The following PPARGC1A variants were observed in gnomAD, a reference collection of about 807,000 sequenced individuals.
The protein encoded by PPARGC1A is peroxisome proliferator-activated receptor gamma coactivator 1-alpha.
A neutral mutation model predicts 88.7 loss-of-function variants in PPARGC1A; 25 were observed. That is an observed-to-expected ratio of 0.28 (90% CI 0.21 to 0.39). The LOEUF (loss-of-function observed/expected upper bound fraction) is 0.39. Among genes scored for constraint, PPARGC1A ranks in the 10% least tolerant of loss-of-function variants. The pLI, the probability that PPARGC1A is intolerant of heterozygous loss-of-function variation, is 1.00. For missense variants in PPARGC1A, 880 were observed against 968.7 expected (o/e 0.91, Z 1.22); for synonymous variants, 363 against 355.6 (o/e 1.02, Z -0.24).
At chr4:23,803,218 A>G (rs1719124602) in intron 10 of PPARGC1A, among the ~76,000 whole-genome samples, 1 of 152,200 alleles carries the variant, frequency 6.6e-6, no homozygotes, top group South Asian at 2.1e-4. Context: ...GTACTAAAAA[A>G]AAATGTAAGA....
the PPARGC1A span, among the ~76,000 whole-genome samples, chr4:24,063,422 T>A: frequency 6.6e-6 from 1 of 152,186 alleles, no homozygotes. Flanking sequence ...GGGCTCCACA[T>A]ACTTTTCTGG....
chr4:23,931,731 C>T, the PPARGC1A span, among the ~76,000 whole-genome samples: 1 of 152,164 alleles, frequency 6.6e-6, no homozygotes, highest in Admixed American at 6.5e-5. Context: ...AGTTACAAGA[C>T]TGCCATGGGG....
At chr4:24,247,573 GC>G in the PPARGC1A span, among the ~76,000 whole-genome samples, 1 of 152,172 alleles carries the variant, frequency 6.6e-6, no homozygotes, top group African/African-American at 2.4e-5. Context: ...AAAGAGATCA[GC>G]TATACACTAA....
At chr4:24,265,136 T>TC in the PPARGC1A span, among the ~76,000 whole-genome samples, 1 of 152,154 alleles carries the variant, frequency 6.6e-6, no homozygotes, top group Non-Finnish European at 1.5e-5. Flanking sequence ...AAATGTGGGT[T>TC]TGTTAAAAGA....
the PPARGC1A span, among the ~76,000 whole-genome samples, chr4:24,269,686 C>CA: frequency 0.23 from 34,546 of 150,920 alleles, 4,248 homozygotes; most frequent in Middle Eastern, 0.4. Flanking sequence ...CATCATCACA[C>CA]AAAAAAACTC....
chr4:23,998,182 T>G, the PPARGC1A span, among the ~76,000 whole-genome samples: 7 of 152,298 alleles, frequency 4.6e-5, no homozygotes, highest in East Asian at 1.4e-3. Flanking sequence ...TCAAAGGGAA[T>G]TTGCAAAGCA....
chr4:24,321,311 G>A, the PPARGC1A span, among the ~76,000 whole-genome samples: 2 of 152,154 alleles, frequency 1.3e-5, no homozygotes, highest in South Asian at 4.2e-4. Flanking sequence ...AAATGCGTAT[G>A]ACGCAACTAA....
At chr4:24,360,390 C>T in the PPARGC1A span, among the ~76,000 whole-genome samples, 1 of 152,180 alleles carries the variant, frequency 6.6e-6, no homozygotes, top group Non-Finnish European at 1.5e-5. Context: ...CTGCACCAGC[C>T]ACAAGCCCCT....
At chr4:24,125,774 C>G in the PPARGC1A span, among the ~76,000 whole-genome samples, 2 of 152,064 alleles carry the variant, frequency 1.3e-5, no homozygotes, top group Non-Finnish European at 2.9e-5. Flanking sequence ...TGACTTATCT[C>G]TACAGTAGGA....
At chr4:24,083,366 C>T in the PPARGC1A span, among the ~76,000 whole-genome samples, 3 of 152,172 alleles carry the variant, frequency 2.0e-5, no homozygotes, top group Non-Finnish European at 4.4e-5. Context: ...AGTCCCCAGA[C>T]AATCTGATGC....
At chr4:24,322,002 A>G in the PPARGC1A span, among the ~76,000 whole-genome samples, 2 of 152,236 alleles carry the variant, frequency 1.3e-5, no homozygotes, top group Non-Finnish European at 2.9e-5. Context: ...TAGATCATGG[A>G]TTAATGGAGA....
At chr4:24,407,760 G>A in the PPARGC1A span, among the ~76,000 whole-genome samples, 1 of 152,166 alleles carries the variant, frequency 6.6e-6, no homozygotes, top group Non-Finnish European at 1.5e-5. Flanking sequence ...AGGGATAATT[G>A]TAGTACCTCT....
chr4:24,176,113 G>A, the PPARGC1A span, among the ~76,000 whole-genome samples: 20 of 152,252 alleles, frequency 1.3e-4, no homozygotes, highest in South Asian at 4.1e-4. Flanking sequence ...TTAGACCAGC[G>A]TATGGTTAAA....
At chr4:23,834,360 A>G (rs1213595810) in intron 2 of PPARGC1A, among the ~76,000 whole-genome samples, 1 of 151,964 alleles carries the variant, frequency 6.6e-6, no homozygotes, top group African/African-American at 2.4e-5. Flanking sequence ...GTGGTAGCAC[A>G]TACCTGTAAT....
At chr4:24,127,550 C>T in the PPARGC1A span, among the ~76,000 whole-genome samples, 23 of 151,888 alleles carry the variant, frequency 1.5e-4, no homozygotes, top group Middle Eastern at 3.4e-3. Flanking sequence ...CACACACACA[C>T]GTGCGCGCGT....
chr4:23,938,820 C>T, the PPARGC1A span, among the ~76,000 whole-genome samples: 1 of 152,102 alleles, frequency 6.6e-6, no homozygotes, highest in South Asian at 2.1e-4. Flanking sequence ...CCTCCCATCC[C>T]CCTAGGACAT....
chr4:23,911,378 C>T, the PPARGC1A span, among the ~76,000 whole-genome samples: 1 of 152,094 alleles, frequency 6.6e-6, no homozygotes, highest in Non-Finnish European at 1.5e-5. Context: ...AAGGTGTCAC[C>T]AATCTTCAGG....
chr4:23,817,102 T>G (rs547342921), intron 7 of PPARGC1A, among the ~76,000 whole-genome samples: 13 of 152,234 alleles, frequency 8.5e-5, no homozygotes, highest in African/African-American at 3.1e-4. Context: ...TTGACAGATA[T>G]TTTAGATTTA....
chr4:24,090,889 T>C, the PPARGC1A span, among the ~76,000 whole-genome samples: 2 of 152,360 alleles, frequency 1.3e-5, no homozygotes, highest in South Asian at 4.1e-4. Flanking sequence ...GTATAAACAT[T>C]ACTGCTTTGC....
Sources: allele counts gnomAD v4.1 joint callset (sites outside exome capture counted in the v4.1 genomes callset), GRCh38; gene constraint gnomAD v4.1.1; transcripts MANE v1.5; gene names NCBI Gene and HGNC (gene_info 2026-07-23, HGNC 2026-07-21).